The following ATF6 variants were observed in gnomAD, a reference collection of about 807,000 sequenced individuals.
The protein encoded by ATF6 is activating transcription factor 6.
In ATF6, 53 loss-of-function variants were observed where a neutral mutation model predicts 83.6. That is an observed-to-expected ratio of 0.63 (90% CI 0.51 to 0.80). The LOEUF is 0.80. ATF6 is among the 30% of genes least tolerant of loss of function. The pLI is 0.00. For missense variants in ATF6, 744 were observed against 797.9 expected (o/e 0.93, Z 0.81); for synonymous variants, 288 against 285.8 (o/e 1.01, Z -0.08).
chr1:161,797,390 C>G lies in ATF6; in HGVS notation c.689-4662C>G, dbSNP rs575343647. 9.2e-5 allele frequency among the ~76,000 whole-genome samples: 14 copies of G among 152,226 alleles called. No homozygotes were observed. In the South Asian group the frequency reaches 2.9e-3, roughly 32 times the overall value. On this transcript the variant is annotated intron_variant, in intron 6 of 15. Coordinates refer to ENST00000367942, the MANE Select transcript of ATF6 (RefSeq NM_007348.4). Reference sequence around the variant, plus strand: ...GAGAGGAAGTCAAACTACCTCTCTTCACAGACGATATGATTCTATACCTGG... The same window carrying G: ...GAGAGGAAGTCAAACTACCTCTCTTGACAGACGATATGATTCTATACCTGG...
chr1:161,830,910 AC>A (rs751840396), intron 9 of ATF6, among the ~76,000 whole-genome samples: 2 of 152,260 alleles, frequency 1.3e-5, no homozygotes, highest in East Asian at 3.8e-4. Context: ...TGTCTAAAAC[AC>A]CAAAAGCAAT....
At chr1:161,935,967 T>C (rs570165296) in intron 15 of ATF6, among the ~76,000 whole-genome samples, 1 of 152,344 alleles carries the variant, frequency 6.6e-6, no homozygotes, top group East Asian at 1.9e-4. Context: ...TAATTCAGTA[T>C]TTTTAGGCCT....
intron 15 of ATF6, among the ~76,000 whole-genome samples, chr1:161,944,275 G>A (rs1316571461): frequency 6.6e-6 from 1 of 152,170 alleles, no homozygotes; most frequent in Non-Finnish European, 1.5e-5. Context: ...AGGATGAAGA[G>A]CAGTCCTTCC....
rs1684881709 is a variant in ATF6, at chr1:161,791,523, C to A, written c.470C>A (p.Pro157His). 3 of 1,609,912 alleles carry A rather than the reference C, an allele frequency of 1.9e-6. No individual in the cohort carries two copies. The highest frequency in any genetic ancestry group is 2.5e-6 in the Non-Finnish European group (3 of 1,179,164). Residue 157 changes from proline (P) to histidine (H), a missense_variant, in exon 5 of 16, where the codon CCT (proline) becomes CAT (histidine). Physicochemically the swap from Pro to His is moderately conservative, Grantham distance 77. Transcript: ENST00000367942. ...PLKEDKPVTG[P>H]RNKTENGLTP... ...AAGGAAGATAAGCCTGTCACTGGTCCTAGGAACAAGACTGGTATTACTCTA... is the reference window on the plus strand; with the variant it reads ...AAGGAAGATAAGCCTGTCACTGGTCATAGGAACAAGACTGGTATTACTCTA...
At chr1:161,939,553 G>A (rs1688604139) in intron 15 of ATF6, among the ~76,000 whole-genome samples, 1 of 152,190 alleles carries the variant, frequency 6.6e-6, no homozygotes, top group Non-Finnish European at 1.5e-5. Context: ...ATAAAAGTGT[G>A]GGAGCTTGTC....
At chr1:161,945,804 A>G (rs1439613872) in intron 15 of ATF6, among the ~76,000 whole-genome samples, 1 of 152,236 alleles carries the variant, frequency 6.6e-6, no homozygotes, top group African/African-American at 2.4e-5. Flanking sequence ...CATTTCACGC[A>G]TGCTGGCTCA....
At chr1:161,883,210 A>G (rs1466566311) in intron 14 of ATF6, among the ~76,000 whole-genome samples, 1 of 151,976 alleles carries the variant, frequency 6.6e-6, no homozygotes, top group Non-Finnish European at 1.5e-5. Context: ...ATTTAGACTT[A>G]CCCTTTTTCC....
At chr1:161,950,677 G>A (rs773747535) in intron 15 of ATF6, among the ~76,000 whole-genome samples, 8 of 152,024 alleles carry the variant, frequency 5.3e-5, no homozygotes, top group Non-Finnish European at 8.8e-5. Flanking sequence ...CAGGTTCCAG[G>A]GCTAGTTCAC....
At chr1:161,899,796 C>CCT (rs1356922129) in intron 14 of ATF6, among the ~76,000 whole-genome samples, 4 of 152,072 alleles carry the variant, frequency 2.6e-5, no homozygotes, top group Admixed American at 2.0e-4. Context: ...GTTATTGAAC[C>CCT]TATGACCTAT....
intron 14 of ATF6, among the ~76,000 whole-genome samples, chr1:161,911,819 C>A (rs922763886): frequency 1.3e-5 from 2 of 151,908 alleles, no homozygotes; most frequent in African/African-American, 2.4e-5. Flanking sequence ...GAGTTTATTG[C>A]CTTTAAAAAA....
intron 14 of ATF6, among the ~76,000 whole-genome samples, chr1:161,876,477 G>A (rs1687219032): frequency 6.6e-6 from 1 of 151,878 alleles, no homozygotes; most frequent in African/African-American, 2.4e-5. Flanking sequence ...GGATACTTCC[G>A]TGGTCTTTTC....
chr1:161,908,455 A>G (rs1239979097), intron 14 of ATF6, among the ~76,000 whole-genome samples: 1 of 152,236 alleles, frequency 6.6e-6, no homozygotes, highest in Non-Finnish European at 1.5e-5. Context: ...ATATTTTCTC[A>G]TGCACAATAT....
intron 15 of ATF6, among the ~76,000 whole-genome samples, chr1:161,920,294 C>CCTTTTTTTTTTTTTTTTTT (rs1688181158): frequency 1.8e-5 from 1 of 54,846 alleles, no homozygotes; most frequent in African/African-American, 7.4e-5. Flanking sequence ...CTCTCTCTCT[C>CCTTTTTTTTTTTTTTTTTT]TTTTTTTTTT....
At chr1:161,941,702 C>T (rs540403778) in intron 15 of ATF6, among the ~76,000 whole-genome samples, 3 of 152,186 alleles carry the variant, frequency 2.0e-5, no homozygotes, top group South Asian at 2.1e-4. Context: ...TCAAGGATTC[C>T]GGTGAGAAGT....
At chr1:161,934,209 T>C (rs1441524068) in intron 15 of ATF6, among the ~76,000 whole-genome samples, 3 of 152,160 alleles carry the variant, frequency 2.0e-5, no homozygotes, top group African/African-American at 7.2e-5. Flanking sequence ...AAACCAGGTC[T>C]TCCCTCGGAT....
chr1:161,850,582 C>G (rs1321607989), intron 10 of ATF6, among the ~76,000 whole-genome samples: 2 of 152,166 alleles, frequency 1.3e-5, no homozygotes, highest in Non-Finnish European at 2.9e-5. Context: ...GGTCCATCTT[C>G]CCCATTAAGG....
chr1:161,908,226 A>T (rs1687916449), intron 14 of ATF6, among the ~76,000 whole-genome samples: 1 of 152,182 alleles, frequency 6.6e-6, no homozygotes, highest in African/African-American at 2.4e-5. Flanking sequence ...TCAACATTTG[A>T]TAACTCTCAG....
intron 14 of ATF6, among the ~76,000 whole-genome samples, chr1:161,865,515 A>G (rs1348396844): frequency 6.6e-6 from 1 of 152,162 alleles, no homozygotes; most frequent in African/African-American, 2.4e-5. Flanking sequence ...CGGTTTAAAA[A>G]ATATATATGC....
chr1:161,866,605 C>T (rs971206647), intron 14 of ATF6, among the ~76,000 whole-genome samples: 1 of 152,078 alleles, frequency 6.6e-6, no homozygotes, highest in Non-Finnish European at 1.5e-5. Context: ...CCTTTTTCTC[C>T]TCTCTTTGAT....
Sources: allele counts gnomAD v4.1 joint callset (sites outside exome capture counted in the v4.1 genomes callset), GRCh38; gene constraint gnomAD v4.1.1; transcripts MANE v1.5; gene names NCBI Gene and HGNC (gene_info 2026-07-23, HGNC 2026-07-21).